FOXO1: variants seen among roughly 807,000 people sequenced by gnomAD.
FOXO1 encodes the protein forkhead box protein O1.
In FOXO1, 6 loss-of-function variants were observed where a neutral mutation model predicts 44.1. That is an observed-to-expected ratio of 0.14 (90% CI 0.07 to 0.27). The LOEUF (loss-of-function observed/expected upper bound fraction) is 0.27, where lower values mean the gene tolerates loss of function less well. Among genes scored for constraint, FOXO1 ranks in the 10% least tolerant of loss-of-function variants. FOXO1 has a pLI of 1.00. For missense variants in FOXO1, 737 were observed against 888.8 expected (o/e 0.83, Z 2.17); for synonymous variants, 380 against 362.7 (o/e 1.05, Z -0.54).
At position 40,665,591 on chromosome 13, in the gene FOXO1, C is replaced by A; in HGVS notation, c.622G>T (p.Gly208Cys). 1 of 1,430,112 alleles carries A rather than the reference C, an allele frequency of 7.0e-7. No individual in the cohort carries two copies. The highest frequency in any genetic ancestry group is 9.3e-7 in the Non-Finnish European group (1 of 1,074,742). The allele number at this position is 1,430,112 out of a possible 1,614,324, so 88.6% of individuals were successfully genotyped here. ...KDKGDSNSSA[G>C]WKNSIRHNLS... is the part of the protein sequence containing the mutation. ...GCGCCGAGTCCACTCACCTTCCAGC[C>A]CGCCGAGCTGTTGCTGTCACCCTTA... The change falls in exon 1 of 3, where the codon GGC (glycine) becomes TGC (cysteine). Residue 208 changes from glycine (G) to cysteine (C), a missense_variant. Gly to Cys is a radical substitution (Grantham distance 159). Coordinates refer to ENST00000379561, the MANE Select transcript of FOXO1 (RefSeq NM_002015.4).
chr13:40,637,828 C>T (rs144685029), intron 1 of FOXO1, among the ~76,000 whole-genome samples: 2 of 152,316 alleles, frequency 1.3e-5, no homozygotes, highest in East Asian at 3.9e-4. Context: ...GAAGCACTTA[C>T]GCACTCTACT....
At chr13:40,577,026 T>A (rs1227717839) in intron 1 of FOXO1, among the ~76,000 whole-genome samples, 3 of 152,166 alleles carry the variant, frequency 2.0e-5, no homozygotes, top group Non-Finnish European at 2.9e-5. Context: ...CACACAAACA[T>A]GGATAAAGCT....
In FOXO1 at chr13:40,558,734, A is replaced by C; in HGVS notation, c.*315T>G. ...GCTTATATACAAAACTTGAAAGCAC[A>C]CCAGGATCTGAAAATCTTTTCTGCA... On this transcript the variant is annotated 3_prime_UTR_variant, in exon 3 of 3. Coordinates refer to ENST00000379561, the MANE Select transcript of FOXO1 (RefSeq NM_002015.4). 2.5e-6 allele frequency: 1 copy of C among 398,564 alleles called. No individual in the cohort carries two copies. The highest frequency in any genetic ancestry group is 4.4e-6 in the Non-Finnish European group (1 of 225,902). The allele number at this position is 398,564 out of a possible 1,614,324, so 24.7% of individuals were successfully genotyped here.
intron 1 of FOXO1, among the ~76,000 whole-genome samples, chr13:40,656,833 ATT>A (rs758886907): frequency 4.8e-5 from 7 of 145,458 alleles, no homozygotes; most frequent in Non-Finnish European, 7.6e-5. Context: ...ACTCTGAGAA[ATT>A]TTTTTTTTTT....
intron 1 of FOXO1, among the ~76,000 whole-genome samples, chr13:40,574,050 A>G (rs1051064355): frequency 1.3e-5 from 2 of 152,216 alleles, no homozygotes; most frequent in African/African-American, 4.8e-5. Flanking sequence ...AAGGGAACTG[A>G]ATATCAACTA....
At chr13:40,578,653 A>G (rs2137847276) in intron 1 of FOXO1, among the ~76,000 whole-genome samples, 1 of 152,328 alleles carries the variant, frequency 6.6e-6, no homozygotes, top group Admixed American at 6.5e-5. Context: ...ATTCTTCGGC[A>G]TGTGCTCTAC....
chr13:40,568,425 T>C (rs543612227), intron 1 of FOXO1, among the ~76,000 whole-genome samples: 2 of 152,300 alleles, frequency 1.3e-5, no homozygotes, highest in South Asian at 4.2e-4. Flanking sequence ...CTTCCACAAG[T>C]GAAAACAAAC....
intron 1 of FOXO1, among the ~76,000 whole-genome samples, chr13:40,624,255 T>C (rs1269494596): frequency 3.5e-5 from 5 of 140,868 alleles, no homozygotes; most frequent in East Asian, 2.1e-4. Context: ...CATAGCCTGA[T>C]AGTACCACCA....
chr13:40,609,591 A>G (rs1876152037), intron 1 of FOXO1, among the ~76,000 whole-genome samples: 1 of 152,188 alleles, frequency 6.6e-6, no homozygotes, highest in Admixed American at 6.5e-5. Flanking sequence ...TTGACTATAA[A>G]AACAAGAGTT....
intron 1 of FOXO1, among the ~76,000 whole-genome samples, chr13:40,627,704 G>A (rs1484265933): frequency 6.6e-6 from 1 of 151,916 alleles, no homozygotes; most frequent in African/African-American, 2.4e-5. Flanking sequence ...ATGGTGGCAG[G>A]CGTCTGTAAT....
intron 1 of FOXO1, among the ~76,000 whole-genome samples, chr13:40,611,358 C>T (rs1876221280): frequency 6.6e-6 from 1 of 152,216 alleles, no homozygotes; most frequent in Non-Finnish European, 1.5e-5. Context: ...GACAGCACCA[C>T]TGTAACCAAT....
intron 1 of FOXO1, chr13:40,619,316 G>A: frequency 4.1e-6 from 2 of 482,566 alleles, no homozygotes; most frequent in South Asian, 3.9e-5. Context: ...ATGAAATAAA[G>A]AAATGGAACA....
intron 1 of FOXO1, among the ~76,000 whole-genome samples, chr13:40,632,604 C>CTACA (rs1877002955): frequency 6.6e-6 from 1 of 151,690 alleles, no homozygotes; most frequent in African/African-American, 2.4e-5. Context: ...TGCCATTGTA[C>CTACA]TACAGCCTGA....
intron 1 of FOXO1, among the ~76,000 whole-genome samples, chr13:40,609,496 C>G (rs560489782): frequency 2.7e-4 from 41 of 152,136 alleles, no homozygotes; most frequent in African/African-American, 8.9e-4. Flanking sequence ...TTCAGTGCAT[C>G]CTTCTTTTGA....
intron 1 of FOXO1, among the ~76,000 whole-genome samples, chr13:40,563,774 T>A (rs995079557): frequency 2.0e-5 from 3 of 152,122 alleles, no homozygotes; most frequent in Admixed American, 2.0e-4. Flanking sequence ...CACACACATG[T>A]ATGCTCACAG....
At chr13:40,665,543 C>T in intron 1 of FOXO1, 40 bp downstream of exon 1, 2 of 1,346,584 alleles carry the variant, frequency 1.5e-6, no homozygotes, top group African/African-American at 1.5e-5. Context: ...GCCTGACCCA[C>T]CGCGCCCCCA....
chr13:40,588,060 C>A (rs930947265), intron 1 of FOXO1, among the ~76,000 whole-genome samples: 1 of 152,140 alleles, frequency 6.6e-6, no homozygotes, highest in Non-Finnish European at 1.5e-5. Context: ...TGCTATGGTG[C>A]GGGAGGAAGC....
intron 1 of FOXO1, among the ~76,000 whole-genome samples, chr13:40,586,313 G>A (rs1412207856): frequency 6.6e-6 from 1 of 152,176 alleles, no homozygotes; most frequent in African/African-American, 2.4e-5. Flanking sequence ...AAGAAACTGA[G>A]AAAGCCACAG....
intron 1 of FOXO1, among the ~76,000 whole-genome samples, chr13:40,580,385 C>T (rs532799701): frequency 1.3e-5 from 2 of 152,206 alleles, no homozygotes; most frequent in South Asian, 4.1e-4. Flanking sequence ...CAATTTTACA[C>T]AAAACTAGTG....
Sources: allele counts gnomAD v4.1 joint callset (sites outside exome capture counted in the v4.1 genomes callset), GRCh38; gene constraint gnomAD v4.1.1; transcripts MANE v1.5; gene names NCBI Gene and HGNC (gene_info 2026-07-23, HGNC 2026-07-21).